The following CFAP47 variants were observed in gnomAD, a reference collection of about 807,000 sequenced individuals.
CFAP47 encodes cilia and flagella associated protein 47.
CFAP47 carries 29 observed loss-of-function variants against 148.1 expected under a neutral mutation model. That is an observed-to-expected ratio of 0.20 (90% CI 0.15 to 0.27). The LOEUF (loss-of-function observed/expected upper bound fraction) is 0.27. Among genes scored for constraint, CFAP47 ranks in the 10% least tolerant of loss-of-function variants. The pLI is 1.00. For missense variants in CFAP47, 1,872 were observed against 1,697.5 expected (o/e 1.10, Z -1.81); for synonymous variants, 664 against 577.3 (o/e 1.15, Z -2.15).
intron 38 of CFAP47, among the ~76,000 whole-genome samples, 191 bp downstream of exon 38, chrX:36,159,767 G>C (rs1422390261): frequency 8.9e-6 from 1 of 111,764 alleles, no homozygotes; most frequent in African/African-American, 3.3e-5. Flanking sequence ...AGGGTTGATA[G>C]TTTATGCAGT....
At chrX:36,017,355 T>C (rs1601932919) in intron 22 of CFAP47, among the ~76,000 whole-genome samples, 1 of 111,882 alleles carries the variant, frequency 8.9e-6, no homozygotes, top group Admixed American at 9.5e-5. Context: ...ACTTTGTGGA[T>C]TGTTTACTTT....
chrX:36,385,086 A>C lies in CFAP47; in HGVS notation c.*80A>C. On this transcript the variant is annotated 3_prime_UTR_variant, in exon 64 of 64. Coordinates refer to ENST00000378653, the MANE Select transcript of CFAP47 (RefSeq NM_001304548.2). Reference sequence around the variant, plus strand: ...TCATCTTTTGGAATATTTCTGAGGAATAATGGTTTAATTATAATAGGCCTT... The same window carrying C: ...TCATCTTTTGGAATATTTCTGAGGACTAATGGTTTAATTATAATAGGCCTT... 1 of 642,059 alleles carries C rather than the reference A, an allele frequency of 1.6e-6. No homozygotes were observed. Among genetic ancestry groups the C allele is most frequent in the Non-Finnish European group, 2.4e-6 (1 of 412,951 alleles). The allele number at this position is 642,059 out of a possible 1,213,427, so 52.9% of individuals were successfully genotyped here.
At chrX:36,080,547 T>C (rs1226064736) in intron 29 of CFAP47, among the ~76,000 whole-genome samples, 1 of 111,605 alleles carries the variant, frequency 9.0e-6, no homozygotes, top group Non-Finnish European at 1.9e-5. Flanking sequence ...CCATCAATGA[T>C]AGACTGGATT....
At chrX:36,210,864 T>A (rs1940092401) in intron 45 of CFAP47, among the ~76,000 whole-genome samples, 1 of 112,749 alleles carries the variant, frequency 8.9e-6, no homozygotes, top group Admixed American at 9.4e-5. Flanking sequence ...GTTTTATCCA[T>A]TTTATGTTAA....
At chrX:36,077,961 G>A (rs1009553552) in intron 29 of CFAP47, among the ~76,000 whole-genome samples, 20 of 110,718 alleles carry the variant, frequency 1.8e-4, no homozygotes, top group Admixed American at 3.9e-4. Context: ...CCCATGAGGC[G>A]GAGGTTGCAG....
At chrX:35,924,905 A>G (rs979401062) in intron 1 of CFAP47, among the ~76,000 whole-genome samples, 9 of 111,462 alleles carry the variant, frequency 8.1e-5, no homozygotes, top group Non-Finnish European at 1.7e-4. Context: ...TTACATGTGA[A>G]ATATAAAAAT....
intron 29 of CFAP47, among the ~76,000 whole-genome samples, chrX:36,081,996 A>G (rs1937991818): frequency 8.9e-6 from 1 of 111,928 alleles, no homozygotes; most frequent in African/African-American, 3.2e-5. Context: ...CAAGCAGACA[A>G]GAGAAAGAAA....
chrX:36,312,000 G>A (rs190898595), intron 56 of CFAP47, among the ~76,000 whole-genome samples: 681 of 110,851 alleles, frequency 6.1e-3, no homozygotes, highest in African/African-American at 0.021. Flanking sequence ...ATCAGGAGAG[G>A]CATGTGGTGT....
intron 31 of CFAP47, among the ~76,000 whole-genome samples, chrX:36,099,336 G>A (rs1938333429): frequency 9.1e-6 from 1 of 110,003 alleles, no homozygotes; most frequent in Non-Finnish European, 1.9e-5. Context: ...TCTTTGAGGA[G>A]TCTGCAGGCT....
At chrX:35,932,321 G>T (rs187149461) in intron 2 of CFAP47, among the ~76,000 whole-genome samples, 4 of 100,748 alleles carry the variant, frequency 4.0e-5, no homozygotes, top group Middle Eastern at 0.01. Flanking sequence ...GTGCAATGGC[G>T]CAATCTCGGC....
chrX:36,233,973 A>G lies in CFAP47; in HGVS notation c.7015-1961A>G, dbSNP rs782652238. 2.0e-3 allele frequency among the ~76,000 whole-genome samples: 222 copies of G among 111,212 alleles called. 1 individual carries two copies. Among genetic ancestry groups the G allele is most frequent in the African/African-American group, 6.5e-3 (199 of 30,589 alleles). On this transcript the variant is annotated intron_variant, in intron 46 of 63. Transcript: ENST00000378653. Reference sequence around the variant, plus strand: ...CTCTCTTCTGGCTTGTAGAGTTTCTACCGAGAGATCCACTGTTAGTCTGAT... The same window carrying G: ...CTCTCTTCTGGCTTGTAGAGTTTCTGCCGAGAGATCCACTGTTAGTCTGAT...
rs760007690 is a variant in CFAP47, at chrX:36,065,777, T to G, written c.4318+34T>G. The stretch of plus-strand genomic sequence containing the variant: ...TGTATGACTTATTTATCCCTAACTC[T>G]CACTGTATAGGTTCTTGGCCAACAT... On this transcript the variant is annotated intron_variant, in intron 27 of 63. Coordinates refer to ENST00000378653, the MANE Select transcript of CFAP47 (RefSeq NM_001304548.2). 3 of 829,098 alleles carry G rather than the reference T, an allele frequency of 3.6e-6. No individual in the cohort carries two copies. The South Asian group carries it at 6.9e-5, about 19-fold the overall frequency. The allele number at this position is 829,098 out of a possible 1,213,427, so 68.3% of individuals were successfully genotyped here.
intron 60 of CFAP47, 100 bp from the exon 61 acceptor site, chrX:36,361,230 T>C: frequency 2.3e-6 from 1 of 437,758 alleles, no homozygotes; most frequent in African/African-American, 2.5e-5. Flanking sequence ...CCCCTCCCTT[T>C]CTCTAAATAC....
chrX:35,943,686 A>G (rs892386021), intron 3 of CFAP47, among the ~76,000 whole-genome samples: 39 of 111,964 alleles, frequency 3.5e-4, no homozygotes, highest in African/African-American at 1.2e-3. Context: ...TTATGATTTT[A>G]TGGCTTGATA....
At chrX:36,095,649 A>G in intron 30 of CFAP47, among the ~76,000 whole-genome samples, 1 of 110,508 alleles carries the variant, frequency 9.0e-6, no homozygotes, top group Non-Finnish European at 1.9e-5. Flanking sequence ...TTTCTTCTAG[A>G]TTTTCCAATT....
chrX:36,357,187 C>T (rs1202279580), intron 60 of CFAP47, among the ~76,000 whole-genome samples: 2 of 111,868 alleles, frequency 1.8e-5, no homozygotes, highest in African/African-American at 6.5e-5. Flanking sequence ...GCTTTTCCAC[C>T]CGTGGCAAGT....
intron 33 of CFAP47, among the ~76,000 whole-genome samples, chrX:36,136,898 G>T (rs1418247569): frequency 9.0e-6 from 1 of 111,364 alleles, no homozygotes; most frequent in Non-Finnish European, 1.9e-5. Flanking sequence ...GAAGTTGTTT[G>T]CTATGCATTA....
At chrX:36,258,080 A>G (rs189800095) in intron 49 of CFAP47, among the ~76,000 whole-genome samples, 224 of 112,038 alleles carry the variant, frequency 2.0e-3, no homozygotes, top group Middle Eastern at 4.6e-3. Flanking sequence ...CTGAAAAATT[A>G]TTGTGTTCCT....
At chrX:36,165,520 C>A (rs984157645) in intron 39 of CFAP47, among the ~76,000 whole-genome samples, 1 of 111,321 alleles carries the variant, frequency 9.0e-6, no homozygotes. Flanking sequence ...CCTTTCCATT[C>A]TTTTCCTGGT....
Sources: gnomAD v4.1 joint callset for allele counts (sites outside exome capture counted in the v4.1 genomes callset) on GRCh38, gnomAD v4.1.1 for gene constraint, MANE v1.5 for transcripts, NCBI Gene and HGNC (gene_info 2026-07-23, HGNC 2026-07-21) for gene names.